NRIP1: variants seen among roughly 807,000 people sequenced by gnomAD.
NRIP1 encodes the protein nuclear receptor-interacting protein 1.
A neutral mutation model predicts 75.0 loss-of-function variants in NRIP1; 28 were observed. That is an observed-to-expected ratio of 0.37 (90% CI 0.28 to 0.51). The LOEUF is 0.51. Among genes scored for constraint, NRIP1 ranks in the 20% least tolerant of loss-of-function variants. NRIP1 has a pLI of 0.92. For synonymous variants in NRIP1, 526 were observed against 487.6 expected, an observed-to-expected ratio of 1.08 and a Z score of -1.04; for missense variants, 1,435 against 1,343.7, an observed-to-expected ratio of 1.07 and a Z score of -1.06.
chr21:15,028,219 A>G (rs1389244922), intron 2 of NRIP1, among the ~76,000 whole-genome samples: 2 of 152,222 alleles, frequency 1.3e-5, no homozygotes, highest in African/African-American at 4.8e-5. Flanking sequence ...AAATGAGTAC[A>G]ATAATCTTGT....
At chr21:15,036,633 T>G (rs1194384126) in intron 2 of NRIP1, among the ~76,000 whole-genome samples, 1 of 152,090 alleles carries the variant, frequency 6.6e-6, no homozygotes, top group Non-Finnish European at 1.5e-5. Context: ...ACTTATTTCA[T>G]TCTTAGATAC....
At chr21:15,014,531 CA>C (rs2088179863) in intron 2 of NRIP1, 65 bp from the exon 3 acceptor site, 3 of 398,064 alleles carry the variant, frequency 7.5e-6, no homozygotes, top group Non-Finnish European at 1.3e-5. Context: ...ACCTTTTGAT[CA>C]AGTTCAACTT....
intron 3 of NRIP1, among the ~76,000 whole-genome samples, chr21:14,980,601 C>T (rs1315422181): frequency 1.3e-5 from 2 of 151,390 alleles, no homozygotes; most frequent in Non-Finnish European, 2.9e-5. Context: ...ATTTATGAAA[C>T]CAAGAGTTAT....
chr21:15,024,537 T>TAC (rs963075127), intron 2 of NRIP1, among the ~76,000 whole-genome samples: 15 of 151,266 alleles, frequency 9.9e-5, no homozygotes, highest in South Asian at 2.1e-4. Flanking sequence ...CTGTCTCATA[T>TAC]ACACACACAC....
At chr21:15,047,273 G>A (rs140105246) in intron 1 of NRIP1, among the ~76,000 whole-genome samples, 1,793 of 148,088 alleles carry the variant, frequency 0.012, 28 homozygotes, top group African/African-American at 0.042. Context: ...CGGGCGCGGT[G>A]GCTCACGCCT....
At chr21:14,978,021 C>T (rs1568951980) in intron 3 of NRIP1, among the ~76,000 whole-genome samples, 1 of 152,174 alleles carries the variant, frequency 6.6e-6, no homozygotes. Context: ...TCCACTGCAA[C>T]CTGAAGGACT....
chr21:15,052,773 C>T (rs539289203), intron 1 of NRIP1, among the ~76,000 whole-genome samples: 87 of 152,054 alleles, frequency 5.7e-4, no homozygotes, highest in African/African-American at 2.0e-3. Context: ...TAAAACAAAA[C>T]GTAGTCCAAA....
chr21:14,967,777 G>A lies in NRIP1; in HGVS notation c.416C>T (p.Ser139Leu), dbSNP rs749450792. The part of the protein sequence containing the change: ...DSTLLASLLQ[S>L]FSSRLQTVAL... ...AACAGTCTGCAGCCTAGAGCTGAAT[G>A]ACTGAAGCAAAGAGGCCAGTAATGT... is the stretch of plus-strand genomic sequence containing the variant. The change falls in exon 4 of 4, where the codon TCA becomes TTA. Residue 139 changes from serine to leucine, a missense_variant. Coordinates refer to ENST00000318948, the MANE Select transcript of NRIP1 (RefSeq NM_003489.4). The A allele has an allele frequency of 6.2e-7, 1 of 1,614,082 alleles. No individual in the cohort carries two copies. Among genetic ancestry groups the A allele is most frequent in the South Asian group, 1.1e-5 (1 of 91,062 alleles).
chr21:15,060,890 A>G (rs1435557210), intron 1 of NRIP1, among the ~76,000 whole-genome samples: 4 of 152,120 alleles, frequency 2.6e-5, no homozygotes, highest in African/African-American at 7.2e-5. Context: ...ACCTCTCGAC[A>G]TAATCTTCAG....
At chr21:15,056,896 A>T (rs1250882858) in intron 1 of NRIP1, among the ~76,000 whole-genome samples, 2 of 152,174 alleles carry the variant, frequency 1.3e-5, no homozygotes, top group Non-Finnish European at 2.9e-5. Flanking sequence ...GAGGTGGAGA[A>T]GCTCATAACT....
chr21:14,984,783 C>A (rs2087347468), intron 3 of NRIP1, among the ~76,000 whole-genome samples: 1 of 152,174 alleles, frequency 6.6e-6, no homozygotes, highest in South Asian at 2.1e-4. Flanking sequence ...CCTTCAGCAA[C>A]CTCCCCCTGA....
In NRIP1 at chr21:15,041,962, C is replaced by T. The variant is rs1267703633; in HGVS notation, c.-458+1533G>A. Among the ~76,000 whole-genome samples, 3 of 151,998 alleles carry T rather than the reference C, an allele frequency of 2.0e-5. No homozygotes were observed. In the East Asian group the frequency reaches 5.8e-4, roughly 29 times the overall value. ...TTCTTATTTGCTTTTGCCTTTCCCC[C>T]GTAACCGACAAAAAGAGGAAGAATA... On this transcript the variant is annotated intron_variant, in intron 2 of 3. Coordinates refer to ENST00000318948, the MANE Select transcript of NRIP1 (RefSeq NM_003489.4).
At chr21:15,017,078 T>C (rs1244997116) in intron 2 of NRIP1, among the ~76,000 whole-genome samples, 1 of 152,158 alleles carries the variant, frequency 6.6e-6, no homozygotes, top group Admixed American at 6.5e-5. Flanking sequence ...ACTGGAACTT[T>C]AAAATGTGAA....
intron 2 of NRIP1, among the ~76,000 whole-genome samples, chr21:15,023,771 A>G (rs2088437436): frequency 1.3e-5 from 2 of 152,238 alleles, no homozygotes; most frequent in Non-Finnish European, 2.9e-5. Context: ...AAATAGTAGG[A>G]AACTTGCCTT....
At chr21:14,972,342 A>T (rs1381669563) in intron 3 of NRIP1, among the ~76,000 whole-genome samples, 1 of 152,208 alleles carries the variant, frequency 6.6e-6, no homozygotes, top group Non-Finnish European at 1.5e-5. Flanking sequence ...AATATAGCAA[A>T]AAAAGAAAAT....
At chr21:15,027,741 T>A (rs1025601485) in intron 2 of NRIP1, among the ~76,000 whole-genome samples, 3 of 152,204 alleles carry the variant, frequency 2.0e-5, no homozygotes, top group African/African-American at 7.2e-5. Flanking sequence ...AGTAATTCAA[T>A]ACACTTCAGG....
At chr21:14,983,847 T>C (rs1472073023) in intron 3 of NRIP1, among the ~76,000 whole-genome samples, 1 of 152,220 alleles carries the variant, frequency 6.6e-6, no homozygotes, top group East Asian at 1.9e-4. Context: ...GTTTACACCA[T>C]GATTTGCTGA....
intron 2 of NRIP1, among the ~76,000 whole-genome samples, chr21:15,026,196 T>A (rs573627701): frequency 1.3e-5 from 2 of 152,104 alleles, no homozygotes; most frequent in African/African-American, 4.8e-5. Flanking sequence ...TACAAATGCA[T>A]AAAAAAACAG....
chr21:15,002,606 G>C (rs2087874944), intron 3 of NRIP1, among the ~76,000 whole-genome samples: 1 of 152,082 alleles, frequency 6.6e-6, no homozygotes, highest in African/African-American at 2.4e-5. Flanking sequence ...ATTACCTCCT[G>C]TTGAACTGAG....
Sources: gnomAD v4.1 joint callset for allele counts (sites outside exome capture counted in the v4.1 genomes callset) on GRCh38, gnomAD v4.1.1 for gene constraint, MANE v1.5 for transcripts, NCBI Gene and HGNC (gene_info 2026-07-23, HGNC 2026-07-21) for gene names.